The following CNTN5 variants were observed in gnomAD, a reference collection of about 807,000 sequenced individuals.
CNTN5 encodes the protein contactin 5.
CNTN5 carries 77 observed loss-of-function variants against 129.1 expected under a neutral mutation model. The observed-to-expected ratio is 0.60, with a 90% CI of 0.50 to 0.72. The LOEUF is 0.72. Ranked by LOEUF, CNTN5 falls within the 30% of genes least tolerant of loss-of-function variation. The pLI, the probability that CNTN5 is intolerant of heterozygous loss-of-function variation, is 0.00. For missense variants in CNTN5, 1,478 were observed against 1,328.8 expected (o/e 1.11, Z -1.75); for synonymous variants, 509 against 465.6 (o/e 1.09, Z -1.20).
rs183752309 is a variant in CNTN5, at chr11:100,088,854, A to T, written c.1580+14560A>T. Among the ~76,000 whole-genome samples, 292 of 152,164 alleles carry T rather than the reference A, an allele frequency of 1.9e-3. 1 individual carries two copies. The highest frequency in any genetic ancestry group is 2.8e-3 in the Admixed American group (42 of 15,260). Reference sequence around the variant, plus strand: ...TCTACTGAAATGATTCCAAAAAGACAAAGAGGAGGGGCTCCTCCCTAAGTG... The same window carrying T: ...TCTACTGAAATGATTCCAAAAAGACTAAGAGGAGGGGCTCCTCCCTAAGTG... On this transcript the variant is annotated intron_variant, in intron 13 of 24. Coordinates refer to ENST00000524871, the MANE Select transcript of CNTN5 (RefSeq NM_014361.4).
intron 1 of CNTN5, among the ~76,000 whole-genome samples, chr11:99,121,518 G>T (rs939271957): frequency 1.3e-5 from 2 of 152,134 alleles, no homozygotes; most frequent in African/African-American, 4.8e-5. Flanking sequence ...GCCAAATGTA[G>T]GATTATTGGG....
intron 18 of CNTN5, among the ~76,000 whole-genome samples, chr11:100,292,585 A>G (rs912866773): frequency 2.6e-5 from 4 of 152,028 alleles, no homozygotes; most frequent in Admixed American, 2.0e-4. Context: ...ACTTCTCTAT[A>G]GTGGTTGTCT....
chr11:100,177,985 C>G (rs113291321), intron 13 of CNTN5, among the ~76,000 whole-genome samples: 1 of 152,040 alleles, frequency 6.6e-6, no homozygotes, highest in Non-Finnish European at 1.5e-5. Context: ...TTCAAAGGAG[C>G]GAACTCAATG....
chr11:100,158,852 T>C (rs950032598), intron 13 of CNTN5, among the ~76,000 whole-genome samples: 3 of 151,862 alleles, frequency 2.0e-5, no homozygotes, highest in Non-Finnish European at 4.4e-5. Flanking sequence ...TAATCTGTTG[T>C]ACATGTGCAT....
intron 9 of CNTN5, among the ~76,000 whole-genome samples, chr11:100,020,038 C>A (rs1461075516): frequency 6.6e-6 from 1 of 151,912 alleles, no homozygotes; most frequent in Non-Finnish European, 1.5e-5. Context: ...GATATTAAAT[C>A]TTTATCATAT....
intron 4 of CNTN5, among the ~76,000 whole-genome samples, chr11:99,839,317 C>T (rs751462340): frequency 7.6e-4 from 115 of 152,164 alleles, no homozygotes; most frequent in Middle Eastern, 6.8e-3. Context: ...GTAAAATAAT[C>T]GGGTGAAGTC....
intron 3 of CNTN5, among the ~76,000 whole-genome samples, chr11:99,620,037 A>AAAAAAACCAAAAAGAAAAAAAAAG (rs1555049913): frequency 1.4e-5 from 2 of 147,774 alleles, no homozygotes; most frequent in Admixed American, 1.4e-4. Context: ...AAAAAAAAAA[A>AAAAAAACCAAAAAGAAAAAAAAAG]CAAAAAACAA....
chr11:99,730,862 T>C (rs1943507293), intron 3 of CNTN5, among the ~76,000 whole-genome samples: 2 of 152,206 alleles, frequency 1.3e-5, no homozygotes. Context: ...GTAGTCACTC[T>C]GCTGTGCTAG....
chr11:100,138,621 C>T (rs1370954740), intron 13 of CNTN5, among the ~76,000 whole-genome samples: 5 of 151,856 alleles, frequency 3.3e-5, no homozygotes, highest in Admixed American at 6.6e-5. Context: ...ATGGGGAGAG[C>T]GGTAGGTGAT....
At chr11:99,419,260 G>A (rs1165410994) in intron 2 of CNTN5, among the ~76,000 whole-genome samples, 1 of 152,098 alleles carries the variant, frequency 6.6e-6, no homozygotes, top group African/African-American at 2.4e-5. Flanking sequence ...TGCACCCTCT[G>A]GAGATGTAAA....
At position 99,765,597 on chromosome 11, in the gene CNTN5, T is replaced by C. The variant is rs111999671; in HGVS notation, c.56-53947T>C. On this transcript the variant is annotated intron_variant, in intron 3 of 24. Transcript: ENST00000524871. The stretch of plus-strand genomic sequence containing the variant: ...TAGTAAGGAACTTCATCATATTTTA[T>C]TGGGGTCATTGAGACATATCTAACT... 1.7e-3 allele frequency among the ~76,000 whole-genome samples: 259 copies of C among 151,524 alleles called. 1 individual carries two copies. The highest frequency in any genetic ancestry group is 5.5e-3 in the African/African-American group (228 of 41,382).
At chr11:99,917,499 G>C (rs897749761) in intron 7 of CNTN5, among the ~76,000 whole-genome samples, 2 of 152,006 alleles carry the variant, frequency 1.3e-5, no homozygotes, top group African/African-American at 4.8e-5. Flanking sequence ...GTTATTAGTT[G>C]AATAATTGTT....
chr11:99,650,298 G>A (rs1306637425), intron 3 of CNTN5, among the ~76,000 whole-genome samples: 13 of 151,868 alleles, frequency 8.6e-5, no homozygotes. Context: ...CAAATCTAAT[G>A]GGGAGTCAGA....
At chr11:100,199,651 C>G (rs552472904) in intron 15 of CNTN5, among the ~76,000 whole-genome samples, 1 of 151,832 alleles carries the variant, frequency 6.6e-6, no homozygotes, top group African/African-American at 2.4e-5. Context: ...AAATGTGTCT[C>G]CACTCACTGT....
Position 99,501,829 on chromosome 11 carries a change from A to T in CNTN5, c.-70-54316A>T, listed in dbSNP as rs77916133. Among the ~76,000 whole-genome samples, 714 of 152,214 alleles carry T rather than the reference A, an allele frequency of 4.7e-3. 20 individuals carry two copies. The East Asian group carries it at 0.093, about 20-fold the overall frequency. ...TCATTCACATTCTCCAAGATGATACACTCACCTGTCAGTATTTTCAGTATT... is the reference window on the plus strand; with the variant it reads ...TCATTCACATTCTCCAAGATGATACTCTCACCTGTCAGTATTTTCAGTATT... On this transcript the variant is annotated intron_variant, in intron 2 of 24. Transcript: ENST00000524871.
chr11:99,922,780 C>A (rs570895592), intron 7 of CNTN5, among the ~76,000 whole-genome samples: 2 of 152,158 alleles, frequency 1.3e-5, no homozygotes, highest in Non-Finnish European at 2.9e-5. Context: ...ACTTCATATT[C>A]CCAATACGTA....
intron 3 of CNTN5, among the ~76,000 whole-genome samples, chr11:99,802,043 GT>G (rs1446329442): frequency 1.3e-5 from 2 of 152,070 alleles, no homozygotes; most frequent in Non-Finnish European, 2.9e-5. Context: ...TTTTCTCTTC[GT>G]TTTCCCACAA....
At chr11:100,053,567 A>G (rs1565831815) in intron 9 of CNTN5, among the ~76,000 whole-genome samples, 1 of 151,764 alleles carries the variant, frequency 6.6e-6, no homozygotes, top group South Asian at 2.1e-4. Context: ...ATGATTGACA[A>G]TACCAAGTAT....
intron 1 of CNTN5, among the ~76,000 whole-genome samples, chr11:99,186,392 G>A (rs971101704): frequency 2.0e-5 from 3 of 151,902 alleles, no homozygotes; most frequent in Non-Finnish European, 4.4e-5. Context: ...ATTGGGCACA[G>A]TATTTTCTGT....
Sources: allele counts gnomAD v4.1 joint callset (sites outside exome capture counted in the v4.1 genomes callset), GRCh38; gene constraint gnomAD v4.1.1; transcripts MANE v1.5; gene names NCBI Gene and HGNC (gene_info 2026-07-23, HGNC 2026-07-21).